The following KCTD18 variants were observed in gnomAD, a reference collection of about 807,000 sequenced individuals.
The protein encoded by KCTD18 is potassium channel tetramerization domain containing 18.
Under a neutral mutation model 30.4 loss-of-function variants are expected in KCTD18, and 22 were observed. The ratio of observed to expected loss-of-function variants is 0.72; its 90% confidence interval spans 0.52 to 1.03. KCTD18 has a LOEUF of 1.03. KCTD18 is among the 50% of genes least tolerant of loss of function. The pLI is 0.00. For synonymous variants in KCTD18, 186 were observed against 209.0 expected, an observed-to-expected ratio of 0.89 and a Z score of 0.95; for missense variants, 529 against 547.6, an observed-to-expected ratio of 0.97 and a Z score of 0.34.
chr2:200,504,833 C>A lies in KCTD18; in HGVS notation c.287G>T (p.Gly96Val). The change falls in exon 3 of 7, where the codon GGC becomes GTC. Residue 96 changes from glycine to valine, a missense_variant. Transcript: ENST00000359878. ...IALQEEADYF[G>V]IPYPYSLSDH... The stretch of plus-strand genomic sequence containing the variant: ...AGACAGGCTGTATGGATAAGGGATG[C>A]CAAAGTAATCAGCCTCTTCCTGTAG... 1 of 1,614,130 alleles carries A rather than the reference C, an allele frequency of 6.2e-7. No homozygotes were observed. Among genetic ancestry groups the A allele is most frequent in the Non-Finnish European group, 8.5e-7 (1 of 1,180,026 alleles).
At chr2:200,507,934 G>A (rs187315265) in intron 1 of KCTD18, among the ~76,000 whole-genome samples, 5 of 152,172 alleles carry the variant, frequency 3.3e-5, no homozygotes, top group Admixed American at 1.3e-4. Context: ...TTGGCCTTCC[G>A]AAGTGCTGAG....
intron 4 of KCTD18, 46 bp from the exon 5 acceptor site, chr2:200,497,893 G>C: frequency 8.0e-7 from 1 of 1,249,224 alleles, no homozygotes; most frequent in East Asian, 2.3e-5. Context: ...CCTAGGTATG[G>C]ATGTGCATAT....
chr2:200,500,387 G>A (rs1305129355), intron 3 of KCTD18, among the ~76,000 whole-genome samples: 2 of 151,940 alleles, frequency 1.3e-5, no homozygotes, highest in South Asian at 2.1e-4. Flanking sequence ...AAACCCCACT[G>A]TCTCAGCCCA....
chr2:200,498,688 G>A lies in KCTD18; in HGVS notation c.566+203C>T, dbSNP rs1441091078. Among the ~76,000 whole-genome samples, 5 of 152,296 alleles carry A rather than the reference G, an allele frequency of 3.3e-5. No homozygotes were observed. The East Asian group carries it at 9.6e-4, about 29-fold the overall frequency. On this transcript the variant is annotated intron_variant, in intron 4 of 6. Transcript: ENST00000359878. ...CTGCACTAGATCATGCAGATGGCAT[G>A]CAGCTTATCCATACTGTATGGGAAA...
rs767264879 is a variant in KCTD18 at position 200,497,716 on chromosome 2, C to T, written c.661+37G>A. ...TTACTTTGTCTTTTTTTTTTAAAGTCCACCTGCTTCCATGAAATAAAAGAA... is the reference window on the plus strand; with the variant it reads ...TTACTTTGTCTTTTTTTTTTAAAGTTCACCTGCTTCCATGAAATAAAAGAA... On this transcript the variant is annotated intron_variant, in intron 5 of 6. Transcript: ENST00000359878. 2.9e-5 allele frequency: 39 copies of T among 1,352,416 alleles called. 1 individual carries two copies. The South Asian group carries it at 4.4e-4, about 15-fold the overall frequency. 83.8% of individuals were successfully genotyped at this position (1,352,416 alleles called of 1,614,324 possible).
intron 6 of KCTD18, among the ~76,000 whole-genome samples, chr2:200,492,360 C>T (rs1461448996): frequency 6.6e-6 from 1 of 152,184 alleles, no homozygotes; most frequent in Non-Finnish European, 1.5e-5. Context: ...AAAATCACCC[C>T]TCGTTGAGAA....
chr2:200,505,235 T>C (rs543112320), intron 2 of KCTD18, among the ~76,000 whole-genome samples: 66 of 152,360 alleles, frequency 4.3e-4, no homozygotes, highest in African/African-American at 1.6e-3. Flanking sequence ...TGTAGTTCTA[T>C]AATACTGCAC....
At chr2:200,497,698 G>T in intron 5 of KCTD18, 55 bp downstream of exon 5, 1 of 1,154,354 alleles carries the variant, frequency 8.7e-7, no homozygotes, top group East Asian at 2.3e-5. Flanking sequence ...AGCTTACTTT[G>T]TCTTTTTTTT....
chr2:200,494,703 A>G (rs1251519963), intron 5 of KCTD18, among the ~76,000 whole-genome samples: 2 of 152,232 alleles, frequency 1.3e-5, no homozygotes, highest in Non-Finnish European at 2.9e-5. Context: ...TTATTAAGAT[A>G]TAATTTATGT....
intron 3 of KCTD18, among the ~76,000 whole-genome samples, chr2:200,499,555 T>C (rs1197730879): frequency 1.3e-5 from 2 of 151,898 alleles, no homozygotes; most frequent in Non-Finnish European, 2.9e-5. Context: ...CCTCGACACA[T>C]ACACTCTCCC....
chr2:200,490,467 G>A lies in KCTD18; in HGVS notation c.914C>T (p.Thr305Met), dbSNP rs1462662643. The A allele has an allele frequency of 3.7e-6, 6 of 1,613,312 alleles. No homozygotes were observed. In the African/African-American group the frequency reaches 5.3e-5, roughly 14 times the overall value. ...CCGGTTTGCTGTCGCCCCAGCCGAC[G>A]TCTGGATGGCACTGGCTGGAGACAC... ...VTVSPASAIQ[T>M]SAGATANRFQ... Residue 305 changes from threonine (T) to methionine (M), a missense_variant, in exon 7 of 7, where the codon ACG becomes ATG. Thr to Met is a moderately conservative substitution (Grantham distance 81, BLOSUM62 -1). Coordinates refer to ENST00000359878, the MANE Select transcript of KCTD18 (RefSeq NM_152387.4).
chr2:200,508,902 A>T (rs190626762), intron 1 of KCTD18, among the ~76,000 whole-genome samples: 1 of 152,286 alleles, frequency 6.6e-6, no homozygotes, highest in East Asian at 1.9e-4. Flanking sequence ...GCCTTCAGCA[A>T]ACCTAATTTC....
At chr2:200,506,577 G>A (rs2030208166) in intron 2 of KCTD18, among the ~76,000 whole-genome samples, 1 of 152,200 alleles carries the variant, frequency 6.6e-6, no homozygotes, top group Non-Finnish European at 1.5e-5. Context: ...ACCCAAAGCT[G>A]CATGAAAGTA....
chr2:200,490,853 C>G (rs896652045), intron 6 of KCTD18, among the ~76,000 whole-genome samples: 5 of 152,166 alleles, frequency 3.3e-5, no homozygotes, highest in African/African-American at 1.2e-4. Context: ...AATATTAATA[C>G]TAGCAAATTA....
chr2:200,506,185 T>A (rs1055390390), intron 2 of KCTD18, among the ~76,000 whole-genome samples: 1 of 152,180 alleles, frequency 6.6e-6, no homozygotes, highest in Non-Finnish European at 1.5e-5. Context: ...GGTCTGGGGC[T>A]CATACACAGG....
At chr2:200,508,496 G>A (rs73044107) in intron 1 of KCTD18, among the ~76,000 whole-genome samples, 3,873 of 152,240 alleles carry the variant, frequency 0.025, 163 homozygotes, top group African/African-American at 0.089. Flanking sequence ...GATGAAAAAG[G>A]TACTCCCAAT....
At chr2:200,506,740 G>T (rs2030220020) in intron 2 of KCTD18, 117 bp downstream of exon 2, 4 of 843,742 alleles carry the variant, frequency 4.7e-6, no homozygotes, top group Non-Finnish European at 7.6e-6. Flanking sequence ...GAGTCCTAAT[G>T]ATCTCAGTAA....
intron 3 of KCTD18, 108 bp from the exon 4 acceptor site, chr2:200,499,192 G>T (rs1277067419): frequency 2.7e-6 from 2 of 736,574 alleles, no homozygotes; most frequent in East Asian, 2.8e-5. Context: ...TGATCATAAG[G>T]GAAATAAAAA....
chr2:200,497,143 C>G (rs771300619), intron 5 of KCTD18: 1 of 152,438 alleles, frequency 6.6e-6, no homozygotes, highest in Non-Finnish European at 1.5e-5. Flanking sequence ...AGGCATAGAA[C>G]AGAACACGTA....
Sources: allele counts gnomAD v4.1 joint callset (sites outside exome capture counted in the v4.1 genomes callset), GRCh38; gene constraint gnomAD v4.1.1; transcripts MANE v1.5; gene names NCBI Gene and HGNC (gene_info 2026-07-23, HGNC 2026-07-21).